Variants in PCDHGB3 observed in about 807,000 individuals in gnomAD.
PCDHGB3 encodes protocadherin gamma subfamily B, 3.
Under a neutral mutation model 59.2 loss-of-function variants are expected in PCDHGB3, and 40 were observed. That is an observed-to-expected ratio of 0.68 (90% confidence interval 0.52 to 0.88). The LOEUF (loss-of-function observed/expected upper bound fraction) is 0.88. Ranked by LOEUF, PCDHGB3 falls within the 40% of genes least tolerant of loss-of-function variation. PCDHGB3 has a pLI of 0.00. For synonymous variants in PCDHGB3, 581 were observed against 503.6 expected, an observed-to-expected ratio of 1.15 and a Z score of -2.06; for missense variants, 1,309 against 1,187.9, an observed-to-expected ratio of 1.10 and a Z score of -1.50.
intron 1 of PCDHGB3, chr5:141,400,367 C>A (rs372561902): frequency 6.8e-5 from 110 of 1,613,946 alleles, no homozygotes; most frequent in Non-Finnish European, 8.8e-5. Flanking sequence ...TTGCCTTATT[C>A]CTACAACCTA....
intron 1 of PCDHGB3, chr5:141,394,967 C>T: frequency 6.2e-7 from 1 of 1,613,950 alleles, no homozygotes; most frequent in Non-Finnish European, 8.5e-7. Flanking sequence ...GGCTGAGGCG[C>T]TGGCACAAGT....
intron 1 of PCDHGB3, chr5:141,415,388 G>C (rs752789407): frequency 6.2e-7 from 1 of 1,614,236 alleles, no homozygotes; most frequent in East Asian, 2.2e-5. Flanking sequence ...GGCTTGACAG[G>C]TGTGTCCGGC....
intron 1 of PCDHGB3, chr5:141,428,040 G>A: frequency 6.2e-7 from 1 of 1,608,668 alleles, no homozygotes; most frequent in Non-Finnish European, 8.5e-7. Flanking sequence ...CGGCTACCTG[G>A]TGACCAAGGT....
chr5:141,421,239 G>T (rs773410079), intron 1 of PCDHGB3: 5 of 1,599,000 alleles, frequency 3.1e-6, no homozygotes, highest in Middle Eastern at 3.3e-4. Flanking sequence ...TGGCGAATCG[G>T]CTACAGCGCG....
intron 1 of PCDHGB3, chr5:141,389,681 C>T (rs1172050771): frequency 1.2e-6 from 2 of 1,612,438 alleles, no homozygotes; most frequent in South Asian, 1.1e-5. Context: ...CAGGACACAA[C>T]GCCTGGCTGT....
intron 1 of PCDHGB3, among the ~76,000 whole-genome samples, chr5:141,452,835 C>A (rs2098750110): frequency 6.6e-6 from 1 of 152,154 alleles, no homozygotes; most frequent in Admixed American, 6.5e-5. Flanking sequence ...TCACTTGGTC[C>A]AGCCCACACT....
At chr5:141,374,200 G>A (rs372035857) in intron 1 of PCDHGB3, 17 of 1,613,778 alleles carry the variant, frequency 1.1e-5, no homozygotes, top group African/African-American at 2.7e-5. Context: ...CCGAGGAGCT[G>A]GAGAAAGGCT....
At position 141,394,998 on chromosome 5, in the gene PCDHGB3, G is replaced by T. The variant is rs774774010; in HGVS notation, c.2415+22189G>T. On this transcript the variant is annotated intron_variant, in intron 1 of 3. Transcript: ENST00000576222. ...CAAGTCACGCCTGCTCCAGGATTCC[G>T]GTGGCAGATTGGTAGGCGTGCCTGC... The T allele has an allele frequency of 2.7e-5, 44 of 1,613,892 alleles. No homozygotes were observed. Among genetic ancestry groups the T allele is most frequent in the Non-Finnish European group, 3.1e-5 (36 of 1,179,930 alleles).
chr5:141,466,885 G>A (rs997982577), intron 1 of PCDHGB3, among the ~76,000 whole-genome samples: 3 of 151,938 alleles, frequency 2.0e-5, no homozygotes, highest in Non-Finnish European at 4.4e-5. Context: ...TTCATAATAT[G>A]CATTTTCCAT....
chr5:141,426,848 C>T (rs1379697529), intron 1 of PCDHGB3: 3 of 456,552 alleles, frequency 6.6e-6, no homozygotes, highest in Admixed American at 4.7e-5. Context: ...AAGGCAAGAA[C>T]GCTCCAGAAT....
chr5:141,393,727 A>C, intron 1 of PCDHGB3: 1 of 1,613,852 alleles, frequency 6.2e-7, no homozygotes, highest in Non-Finnish European at 8.5e-7. Flanking sequence ...TCAATAGCAA[A>C]AAGTCTAGAT....
At chr5:141,392,864 C>T (rs1328545217) in intron 1 of PCDHGB3, 2 of 1,612,536 alleles carry the variant, frequency 1.2e-6, no homozygotes, top group Non-Finnish European at 1.7e-6. Context: ...TCCTGCTGTG[C>T]GCGCTGCTGG....
In PCDHGB3 at chr5:141,376,126, C is replaced by T. The variant is rs770848918; in HGVS notation, c.2415+3317C>T. 8 of 1,613,916 alleles carry T rather than the reference C, an allele frequency of 5.0e-6. No individual in the cohort carries two copies. In the East Asian group the frequency reaches 1.3e-4, roughly 27 times the overall value. On this transcript the variant is annotated intron_variant, in intron 1 of 3. Transcript: ENST00000576222. ...CCGACCTGGGCAGCCTCGAGCCCTCCGCCAAACCCAACGATTCGGACCTCA... is the reference window on the plus strand; with the variant it reads ...CCGACCTGGGCAGCCTCGAGCCCTCTGCCAAACCCAACGATTCGGACCTCA...
intron 1 of PCDHGB3, chr5:141,399,825 C>T (rs1439243162): frequency 1.9e-6 from 3 of 1,613,178 alleles, no homozygotes; most frequent in Non-Finnish European, 2.5e-6. Flanking sequence ...TGGGTCCCGA[C>T]GGCTCTGCGC....
chr5:141,501,290 TACACACACAC>T (rs55762287), intron 2 of PCDHGB3, among the ~76,000 whole-genome samples: 44 of 136,248 alleles, frequency 3.2e-4, no homozygotes, highest in Admixed American at 7.8e-4. Context: ...TATTCCCTTA[TACACACACAC>T]ACACACACAC....
intron 1 of PCDHGB3, chr5:141,393,012 G>T: frequency 1.9e-6 from 3 of 1,613,842 alleles, no homozygotes; most frequent in Non-Finnish European, 2.5e-6. Context: ...AGTCCGTATC[G>T]TCTCCAGAGG....
chr5:141,428,186 C>CCGCTCTCTG, intron 1 of PCDHGB3: 2 of 1,460,956 alleles, frequency 1.4e-6, no homozygotes, highest in Non-Finnish European at 1.9e-6. Flanking sequence ...AGGACAGCCG[C>CCGCTCTCTG]CGCTCTCTGC....
intron 1 of PCDHGB3, chr5:141,426,585 T>C (rs2096944493): frequency 2.8e-6 from 1 of 358,848 alleles, no homozygotes; most frequent in African/African-American, 2.1e-5. Flanking sequence ...CAAAATCCTC[T>C]GTGTCATACC....
chr5:141,457,480 G>A lies in PCDHGB3; in HGVS notation c.2416-37327G>A, dbSNP rs566798464. ...GATTCACAGGAATAAGCAGGGCCAGGGTTAGTCTAAAATGTAGGCAAAAAG... is the reference window on the plus strand; with the variant it reads ...GATTCACAGGAATAAGCAGGGCCAGAGTTAGTCTAAAATGTAGGCAAAAAG... On this transcript the variant is annotated intron_variant, in intron 1 of 3. Transcript: ENST00000576222. 2.0e-5 allele frequency among the ~76,000 whole-genome samples: 3 copies of A among 152,266 alleles called. No individual in the cohort carries two copies. In the South Asian group the frequency reaches 6.2e-4, roughly 32 times the overall value.
Sources: gnomAD v4.1 joint callset for allele counts (sites outside exome capture counted in the v4.1 genomes callset) on GRCh38, gnomAD v4.1.1 for gene constraint, MANE v1.5 for transcripts, NCBI Gene and HGNC (gene_info 2026-07-23, HGNC 2026-07-21) for gene names.